The following KIF15 variants were observed in gnomAD, a reference collection of about 807,000 sequenced individuals.
The protein encoded by KIF15 is kinesin-like protein KIF15.
Under a neutral mutation model 190.6 loss-of-function variants are expected in KIF15, and 140 were observed. That is an observed-to-expected ratio of 0.73 (90% confidence interval 0.64 to 0.84). The LOEUF is 0.84. Ranked by LOEUF, KIF15 falls within the 40% of genes least tolerant of loss-of-function variation. The probability of loss-of-function intolerance (pLI) is 0.00; values close to 1 mark genes in which losing one functional copy is unlikely to be tolerated. For missense variants in KIF15, 1,372 were observed against 1,584.4 expected (o/e 0.87, Z 2.28); for synonymous variants, 528 against 551.3 (o/e 0.96, Z 0.59).
chr3:44,788,399 T>TA (rs1261448503), intron 7 of KIF15, among the ~76,000 whole-genome samples: 1 of 152,180 alleles, frequency 6.6e-6, no homozygotes, highest in African/African-American at 2.4e-5. Flanking sequence ...TTCATAAATT[T>TA]AAAAAATTGA....
At position 44,859,539 on chromosome 3, in the gene KIF15, A is replaced by G. The variant is rs1256792203; in HGVS notation, c.*59+6745A>G. Among the ~76,000 whole-genome samples the G allele has an allele frequency of 5.3e-5, 8 of 152,298 alleles. No individual in the cohort carries two copies. In the South Asian group the frequency reaches 6.2e-4, roughly 12 times the overall value. On this transcript the variant is annotated intron_variant and NMD_transcript_variant, in intron 6 of 6. Transcript: ENST00000422209. Reference sequence around the variant, plus strand: ...AATTAGCCAGGCATGATGCACCCATAGTCCCTGCTACTCAGGAAGCTGAAG... The same window carrying G: ...AATTAGCCAGGCATGATGCACCCATGGTCCCTGCTACTCAGGAAGCTGAAG...
intron 4 of KIF15, among the ~76,000 whole-genome samples, chr3:44,778,700 C>T (rs940521271): frequency 6.6e-6 from 1 of 151,936 alleles, no homozygotes; most frequent in South Asian, 2.1e-4. Flanking sequence ...TTTGTCCAGC[C>T]AGGCGTGGTG....
rs373889772 is a variant in KIF15, at chr3:44,808,576, G to C, written c.1972-2270G>C. Among the ~76,000 whole-genome samples, 142 of 148,240 alleles carry C rather than the reference G, an allele frequency of 9.6e-4. 1 individual carries two copies. Among genetic ancestry groups the C allele is most frequent in the African/African-American group, 3.2e-3 (131 of 40,448 alleles). ...AGAAAACACATAGAGTTGTTTCCTA[G>C]ATTGTGTATTGTTTTGCTTTTTTTT... On this transcript the variant is annotated intron_variant, in intron 16 of 34. Coordinates refer to ENST00000326047, the MANE Select transcript of KIF15 (RefSeq NM_020242.3).
intron 32 of KIF15, among the ~76,000 whole-genome samples, chr3:44,849,735 C>T (rs1698994867): frequency 6.6e-6 from 1 of 151,932 alleles, no homozygotes; most frequent in Non-Finnish European, 1.5e-5. Flanking sequence ...TATGTATGTA[C>T]ATACATACAC....
chr3:44,780,888 A>G lies in KIF15; in HGVS notation c.327A>G (p.Gly109=). The G allele has an allele frequency of 6.3e-7, 1 of 1,597,694 alleles. No individual in the cohort carries two copies. Among genetic ancestry groups the G allele is most frequent in the Non-Finnish European group, 8.6e-7 (1 of 1,168,210 alleles). The change falls in exon 5 of 35, where the codon GGA becomes GGG. Residue 109 remains glycine, a synonymous_variant. Transcript: ENST00000326047. The part of the protein sequence containing the change: ...SGYNGTIFAY[G]QTGSGKTFTM... ...ATATGTAAAACATTTTTTACAGTGG[A>G]CAGACTGGCTCAGGGAAGACATTTA...
At chr3:44,849,744 A>G (rs374327051) in intron 32 of KIF15, among the ~76,000 whole-genome samples, 1 of 152,132 alleles carries the variant, frequency 6.6e-6, no homozygotes, top group African/African-American at 2.4e-5. Context: ...ACATACATAC[A>G]CACACACAAA....
intron 9 of KIF15, 26 bp from the exon 10 acceptor site, chr3:44,797,808 A>G (rs953255952): frequency 1.9e-6 from 3 of 1,608,556 alleles, no homozygotes; most frequent in Non-Finnish European, 2.5e-6. Context: ...CTCACCGAAA[A>G]TATGTTCATT....
chr3:44,828,112 A>T, intron 23 of KIF15, 102 bp from the exon 24 acceptor site: 1 of 762,642 alleles, frequency 1.3e-6, no homozygotes, highest in Non-Finnish European at 2.2e-6. Flanking sequence ...CTCCTAGCAT[A>T]GACTCTATAA....
At chr3:44,836,177 T>C (rs1220761921) in intron 26 of KIF15, among the ~76,000 whole-genome samples, 1 of 151,924 alleles carries the variant, frequency 6.6e-6, no homozygotes, top group Non-Finnish European at 1.5e-5. Context: ...CGAAACCCCA[T>C]CTCTACTAAA....
chr3:44,771,371 AT>A (rs1705634285), intron 1 of KIF15, among the ~76,000 whole-genome samples: 1 of 152,194 alleles, frequency 6.6e-6, no homozygotes, highest in Non-Finnish European at 1.5e-5. Flanking sequence ...ATCCTTTACA[AT>A]TTTGGAACAT....
chr3:44,797,904 A>AT lies in KIF15; in HGVS notation c.1046_1047insT (p.Glu349AspfsTer7). ...CATCCTGGATCCAGGTGTTTTGGGGAAACCCTATCAACACTTAACTTTGCT... is the reference window on the plus strand; with the variant it reads ...CATCCTGGATCCAGGTGTTTTGGGGATAACCCTATCAACACTTAACTTTGCT... On this transcript the variant is annotated frameshift_variant, in exon 10 of 35. Transcript: ENST00000326047. LOFTEE classifies it high-confidence loss of function. 6.2e-7 allele frequency: 1 copy of AT among 1,613,976 alleles called. No individual in the cohort carries two copies. Among genetic ancestry groups the AT allele is most frequent in the Non-Finnish European group, 8.5e-7 (1 of 1,179,964 alleles).
At chr3:44,832,575 A>G (rs1188981681) in intron 26 of KIF15, among the ~76,000 whole-genome samples, 2 of 152,212 alleles carry the variant, frequency 1.3e-5, no homozygotes, top group Non-Finnish European at 2.9e-5. Flanking sequence ...GCCCACAGAA[A>G]GTTAATGAGA....
At chr3:44,859,685 G>T (rs1210525172) in intron 6 of KIF15, among the ~76,000 whole-genome samples, 1 of 152,010 alleles carries the variant, frequency 6.6e-6, no homozygotes, top group Non-Finnish European at 1.5e-5. Flanking sequence ...TATAATCTGG[G>T]CTTGATGGTA....
In KIF15 at chr3:44,771,648, C is replaced by G. The variant is rs553139700; in HGVS notation, c.20-2747C>G. On this transcript the variant is annotated intron_variant, in intron 1 of 34. Transcript: ENST00000326047. Reference sequence around the variant, plus strand: ...GATTACCGTAAGTTATTTATTTTGTCAAAATGATGACTCAGAAATTTTAAA... The same window carrying G: ...GATTACCGTAAGTTATTTATTTTGTGAAAATGATGACTCAGAAATTTTAAA... Among the ~76,000 whole-genome samples the G allele has an allele frequency of 2.6e-5, 4 of 152,240 alleles. No homozygotes were observed. In the South Asian group the frequency reaches 8.3e-4, roughly 32 times the overall value.
intron 5 of KIF15, among the ~76,000 whole-genome samples, chr3:44,782,759 AGAATAATCTTACAGGCAGAGGAACAGC>A (rs1420975620): frequency 6.6e-6 from 1 of 152,204 alleles, no homozygotes; most frequent in East Asian, 1.9e-4. Context: ...ACTGTCCAAG[AGAATAATCTTACAGGCAGAGGAACAGC>A]AGTTGCACAG....
At chr3:44,813,562 G>A (rs1707891728) in intron 19 of KIF15, among the ~76,000 whole-genome samples, 1 of 151,644 alleles carries the variant, frequency 6.6e-6, no homozygotes, top group Non-Finnish European at 1.5e-5. Context: ...TGGGATTACA[G>A]GAGTGCATTA....
intron 5 of KIF15, 33 bp downstream of exon 5, chr3:44,780,955 T>G: frequency 6.6e-7 from 1 of 1,504,382 alleles, no homozygotes; most frequent in Non-Finnish European, 9.2e-7. Flanking sequence ...TGGCTTAATC[T>G]ACTCTTTCTG....
intron 8 of KIF15, among the ~76,000 whole-genome samples, chr3:44,795,907 G>C (rs1267612432): frequency 2.0e-5 from 3 of 152,080 alleles, no homozygotes; most frequent in Non-Finnish European, 4.4e-5. Context: ...CTGTCACCCA[G>C]CTGGAGTGCA....
At chr3:44,811,976 T>C (rs1283110845) in intron 17 of KIF15, among the ~76,000 whole-genome samples, 1 of 152,210 alleles carries the variant, frequency 6.6e-6, no homozygotes, top group African/African-American at 2.4e-5. Flanking sequence ...GGACCACAAG[T>C]GTAAATCTGA....
Sources: gnomAD v4.1 joint callset for allele counts (sites outside exome capture counted in the v4.1 genomes callset) on GRCh38, gnomAD v4.1.1 for gene constraint, MANE v1.5 for transcripts, NCBI Gene and HGNC (gene_info 2026-07-23, HGNC 2026-07-21) for gene names.